BCAT1: variants seen among roughly 807,000 people sequenced by gnomAD.
BCAT1 encodes the protein branched chain amino acid transaminase 1.
In BCAT1, 48 loss-of-function variants were observed where a neutral mutation model predicts 52.4. That is an observed-to-expected ratio of 0.92 (90% confidence interval 0.73 to 1.16). The LOEUF is 1.16. Among genes scored for constraint, BCAT1 ranks in the 50% most tolerant of loss-of-function variants. BCAT1 has a pLI of 0.00. For missense variants in BCAT1, 451 were observed against 457.1 expected, an observed-to-expected ratio of 0.99 and a Z score of 0.12; for synonymous variants, 167 against 161.3, an observed-to-expected ratio of 1.04 and a Z score of -0.27.
chr12:24,877,660 T>G (rs11047686), intron 5 of BCAT1, among the ~76,000 whole-genome samples: 31,451 of 152,104 alleles, frequency 0.21, 3,709 homozygotes, highest in African/African-American at 0.32. Context: ...CAAGACCTCA[T>G]GAAAATGAAA....
At chr12:24,877,357 C>T (rs939681740) in intron 5 of BCAT1, among the ~76,000 whole-genome samples, 4 of 152,184 alleles carry the variant, frequency 2.6e-5, no homozygotes, top group African/African-American at 9.7e-5. Flanking sequence ...ATATCACACT[C>T]TCAAGCCACA....
intron 10 of BCAT1, among the ~76,000 whole-genome samples, chr12:24,824,243 C>CTTCCTTCT (rs1555363338): frequency 7.4e-6 from 1 of 134,752 alleles, no homozygotes; most frequent in Non-Finnish European, 1.6e-5. Flanking sequence ...TCCTTCCTTC[C>CTTCCTTCT]TTCCTTCCTT....
intron 1 of BCAT1, among the ~76,000 whole-genome samples, chr12:24,925,396 C>T (rs1198359971): frequency 6.6e-6 from 1 of 151,954 alleles, no homozygotes; most frequent in Non-Finnish European, 1.5e-5. Context: ...TGAACCAATT[C>T]CTTAAAATAA....
At chr12:24,842,372 T>C in intron 6 of BCAT1, 148 bp from the exon 7 acceptor site, 1 of 851,802 alleles carries the variant, frequency 1.2e-6, no homozygotes, top group Non-Finnish European at 1.8e-6. Context: ...TCTAGTCAAC[T>C]GCATAACATT....
chr12:24,912,906 G>GAA (rs1055951088), intron 1 of BCAT1, among the ~76,000 whole-genome samples: 11 of 152,134 alleles, frequency 7.2e-5, no homozygotes, highest in African/African-American at 2.7e-4. Flanking sequence ...ATTAATAGGA[G>GAA]AAAAGTCATA....
At chr12:24,831,056 G>C (rs1940644469) in intron 9 of BCAT1, among the ~76,000 whole-genome samples, 1 of 152,020 alleles carries the variant, frequency 6.6e-6, no homozygotes, top group African/African-American at 2.4e-5. Context: ...CTTATACGTG[G>C]ACTTTCTTCT....
In BCAT1 at chr12:24,869,558, G is replaced by C. The variant is rs560772985; in HGVS notation, c.510+8972C>G. ...CTAAGGAGAAAGTCCTACAACAGCA[G>C]TATCTACTAAAGTGAAATATACATA... On this transcript the variant is annotated intron_variant, in intron 5 of 10. Transcript: ENST00000261192. Among the ~76,000 whole-genome samples, 4 of 152,296 alleles carry C rather than the reference G, an allele frequency of 2.6e-5. No homozygotes were observed. In the South Asian group the frequency reaches 8.3e-4, roughly 32 times the overall value.
chr12:24,830,825 C>G (rs1012858559), intron 9 of BCAT1: 4 of 152,138 alleles, frequency 2.6e-5, no homozygotes, highest in African/African-American at 4.8e-5. Context: ...ATTCTTCTCC[C>G]ATGAAACAGT....
At chr12:24,823,407 G>A (rs776913154) in intron 10 of BCAT1, among the ~76,000 whole-genome samples, 1 of 152,010 alleles carries the variant, frequency 6.6e-6, no homozygotes, top group Non-Finnish European at 1.5e-5. Flanking sequence ...TTTTTCTTGA[G>A]TAAACCACCA....
chr12:24,887,080 AATATATATATATATATATATAT>A (rs71063368), intron 3 of BCAT1, among the ~76,000 whole-genome samples: 1 of 40,748 alleles, frequency 2.5e-5, no homozygotes, highest in Non-Finnish European at 5.2e-5. Context: ...AAAAAAAAAA[AATATATATATATATATATATAT>A]ATATATATAA....
intron 2 of BCAT1, among the ~76,000 whole-genome samples, chr12:24,897,880 C>T (rs1485709468): frequency 3.3e-5 from 5 of 151,868 alleles, no homozygotes; most frequent in Non-Finnish European, 7.4e-5. Flanking sequence ...AAGTAATATA[C>T]GATTAGGTGG....
rs1939937048 is a variant in BCAT1, at chr12:24,817,824, C to T, written c.*184G>A. The T allele has an allele frequency of 1.6e-6, 1 of 619,714 alleles. No homozygotes were observed. The highest frequency in any genetic ancestry group is 2.8e-6 in the Non-Finnish European group (1 of 354,742). 38.4% of individuals were successfully genotyped at this position (619,714 alleles called of 1,614,324 possible). Reference sequence around the variant, plus strand: ...TTACTACTACCAAGTTATGAAACACCATTTGATGATTGCAATTCATTTTCT... The same window carrying T: ...TTACTACTACCAAGTTATGAAACACTATTTGATGATTGCAATTCATTTTCT... On this transcript the variant is annotated 3_prime_UTR_variant, in exon 11 of 11. Coordinates refer to ENST00000261192, the MANE Select transcript of BCAT1 (RefSeq NM_005504.7).
chr12:24,887,061 T>TAAAAAAAAAAAAA lies in BCAT1; in HGVS notation c.280-5663_280-5651dup, dbSNP rs1171691492. Reference sequence around the variant, plus strand: ...CTGGAAGAACGAGAGAGATGCTAGCTAAAAAAAAAAAAAAAAAAAATATAT... The same window carrying TAAAAAAAAAAAAA: ...CTGGAAGAACGAGAGAGATGCTAGCTAAAAAAAAAAAAAAAAAAAAAAAAAAAAAAAAATATAT... On this transcript the variant is annotated intron_variant, in intron 3 of 10. Coordinates refer to ENST00000261192, the MANE Select transcript of BCAT1 (RefSeq NM_005504.7). 3.4e-3 allele frequency among the ~76,000 whole-genome samples: 26 copies of TAAAAAAAAAAAAA among 7,584 alleles called. 5 individuals are homozygous for TAAAAAAAAAAAAA. The highest frequency in any genetic ancestry group is 0.021 in the Admixed American group (8 of 378). The allele number at this position is 7,584 out of a possible 152,430, so 5.0% of individuals were successfully genotyped here.
chr12:24,907,971 C>G (rs954424820), intron 1 of BCAT1, among the ~76,000 whole-genome samples: 1 of 152,202 alleles, frequency 6.6e-6, no homozygotes, highest in African/African-American at 2.4e-5. Context: ...CTAGCCATCC[C>G]ACCTCACCCA....
intron 5 of BCAT1, among the ~76,000 whole-genome samples, chr12:24,856,845 C>G (rs1444500511): frequency 6.6e-6 from 1 of 152,184 alleles, no homozygotes; most frequent in Non-Finnish European, 1.5e-5. Flanking sequence ...CTGCAGGTCC[C>G]TGAAACAAAA....
At chr12:24,863,498 C>G (rs1196047531) in intron 5 of BCAT1, among the ~76,000 whole-genome samples, 3 of 152,140 alleles carry the variant, frequency 2.0e-5, no homozygotes, top group African/African-American at 7.2e-5. Context: ...AATTATCATG[C>G]CAGTTATTTG....
chr12:24,924,651 G>A (rs967264522), intron 1 of BCAT1, among the ~76,000 whole-genome samples: 9 of 151,780 alleles, frequency 5.9e-5, no homozygotes, highest in African/African-American at 1.9e-4. Flanking sequence ...TCAAAACAAT[G>A]TCATTAAAAA....
intron 5 of BCAT1, among the ~76,000 whole-genome samples, chr12:24,857,906 C>A (rs900413712): frequency 6.6e-6 from 1 of 152,196 alleles, no homozygotes; most frequent in Non-Finnish European, 1.5e-5. Flanking sequence ...GAATACCCCA[C>A]TCTGTGCACG....
chr12:24,925,194 A>G (rs915116586), intron 1 of BCAT1, among the ~76,000 whole-genome samples: 1 of 152,214 alleles, frequency 6.6e-6, no homozygotes. Flanking sequence ...AATTAGTTGA[A>G]GGCCTTAACA....
Sources: gnomAD v4.1 joint callset for allele counts (sites outside exome capture counted in the v4.1 genomes callset) on GRCh38, gnomAD v4.1.1 for gene constraint, MANE v1.5 for transcripts, NCBI Gene and HGNC (gene_info 2026-07-23, HGNC 2026-07-21) for gene names.